Variants in SLC39A11 observed in about 807,000 individuals in gnomAD.
SLC39A11 encodes the protein solute carrier family 39 member 11.
A neutral mutation model predicts 36.1 loss-of-function variants in SLC39A11; 33 were observed. The observed-to-expected ratio is 0.91, with a 90% CI of 0.69 to 1.22. SLC39A11 has a LOEUF of 1.22. SLC39A11 is among the 50% of genes most tolerant of loss of function. The probability of loss-of-function intolerance (pLI) is 0.00; values close to 1 mark genes in which losing one functional copy is unlikely to be tolerated. For synonymous variants in SLC39A11, 166 were observed against 170.3 expected (o/e 0.97, Z 0.20); for missense variants, 432 against 430.3 (o/e 1.00, Z -0.03).
chr17:73,085,298 G>A (rs2060687894), intron 2 of SLC39A11, among the ~76,000 whole-genome samples: 1 of 151,928 alleles, frequency 6.6e-6, no homozygotes, highest in African/African-American at 2.4e-5. Flanking sequence ...CCTGAGGTCA[G>A]GAGTTCAAGA....
intron 3 of SLC39A11, among the ~76,000 whole-genome samples, chr17:73,051,556 G>A (rs1385929037): frequency 6.6e-6 from 1 of 151,180 alleles, no homozygotes. Context: ...AGGAAGTGAG[G>A]GGGAGCCGTC....
At chr17:72,959,349 A>G (rs1426057058) in intron 4 of SLC39A11, among the ~76,000 whole-genome samples, 23 of 138,272 alleles carry the variant, frequency 1.7e-4, no homozygotes, top group African/African-American at 8.4e-5. Flanking sequence ...ATATATATAT[A>G]TATATATATA....
chr17:72,728,741 T>G (rs2074035225), intron 7 of SLC39A11, among the ~76,000 whole-genome samples: 1 of 152,196 alleles, frequency 6.6e-6, no homozygotes, highest in African/African-American at 2.4e-5. Context: ...TCAGTTAGCT[T>G]GGTGCACGTG....
chr17:72,814,627 G>T lies in SLC39A11; in HGVS notation c.601+35007C>A, dbSNP rs1188186616. 2.0e-5 allele frequency among the ~76,000 whole-genome samples: 3 copies of T among 152,334 alleles called. No homozygotes were observed. In the East Asian group the frequency reaches 5.8e-4, roughly 29 times the overall value. On this transcript the variant is annotated intron_variant, in intron 6 of 9. Coordinates refer to ENST00000255559, the MANE Select transcript of SLC39A11 (RefSeq NM_139177.4). ...GCATTTCCAGAGGCAAAGGGCCAAGGTGACATTTTAGAAGGTGACTAGGTA... is the reference window on the plus strand; with the variant it reads ...GCATTTCCAGAGGCAAAGGGCCAAGTTGACATTTTAGAAGGTGACTAGGTA...
At chr17:72,908,250 T>C (rs2082767952) in intron 5 of SLC39A11, among the ~76,000 whole-genome samples, 1 of 152,200 alleles carries the variant, frequency 6.6e-6, no homozygotes, top group Non-Finnish European at 1.5e-5. Flanking sequence ...TCCACAGGTG[T>C]GAATGGGTTG....
chr17:72,974,537 G>T (rs1598671050), intron 4 of SLC39A11, among the ~76,000 whole-genome samples: 1 of 152,024 alleles, frequency 6.6e-6, no homozygotes, highest in East Asian at 1.9e-4. Context: ...TACAGCTACA[G>T]CTTTACAGTG....
chr17:72,834,949 C>T (rs1467842806), intron 6 of SLC39A11, among the ~76,000 whole-genome samples: 2 of 152,218 alleles, frequency 1.3e-5, no homozygotes, highest in East Asian at 3.9e-4. Flanking sequence ...CGTCTGTCGC[C>T]TGTGCAGGAG....
intron 6 of SLC39A11, among the ~76,000 whole-genome samples, chr17:72,744,918 T>C (rs1317986414): frequency 6.6e-6 from 1 of 152,214 alleles, no homozygotes; most frequent in Non-Finnish European, 1.5e-5. Context: ...CTCAGCTCAC[T>C]GCAACCTCTA....
intron 4 of SLC39A11, among the ~76,000 whole-genome samples, chr17:73,013,809 C>G (rs145876771): frequency 6.6e-6 from 1 of 151,812 alleles, no homozygotes; most frequent in African/African-American, 2.4e-5. Context: ...CACATGGTTT[C>G]AGGACCAATG....
At chr17:72,953,619 T>C (rs2086024757) in intron 4 of SLC39A11, among the ~76,000 whole-genome samples, 1 of 152,200 alleles carries the variant, frequency 6.6e-6, no homozygotes, top group Non-Finnish European at 1.5e-5. Context: ...GGGACAGAGC[T>C]ACCTGCATAT....
At chr17:72,912,837 C>T (rs1226600134) in intron 5 of SLC39A11, among the ~76,000 whole-genome samples, 2 of 152,122 alleles carry the variant, frequency 1.3e-5, no homozygotes, top group Non-Finnish European at 2.9e-5. Context: ...ATCTCCTTGC[C>T]CAGACCCTGA....
intron 6 of SLC39A11, chr17:72,823,791 AC>A (rs2077897607): frequency 6.6e-6 from 1 of 151,444 alleles, no homozygotes; most frequent in Admixed American, 6.6e-5. Flanking sequence ...ACTTCTTGCC[AC>A]ACTGGTGCTA....
At chr17:72,699,051 G>T (rs553433278) in intron 7 of SLC39A11, among the ~76,000 whole-genome samples, 26 of 152,010 alleles carry the variant, frequency 1.7e-4, no homozygotes, top group Admixed American at 3.3e-4. Context: ...GGATGGTCTC[G>T]ATCTCCTGAC....
intron 4 of SLC39A11, among the ~76,000 whole-genome samples, chr17:72,949,915 G>T (rs917168797): frequency 1.3e-5 from 2 of 150,640 alleles, no homozygotes; most frequent in African/African-American, 4.9e-5. Flanking sequence ...TTCCTTTCAT[G>T]AAGGAATCTC....
intron 4 of SLC39A11, among the ~76,000 whole-genome samples, chr17:72,979,511 G>C (rs1189075594): frequency 6.6e-6 from 1 of 152,208 alleles, no homozygotes; most frequent in Admixed American, 6.5e-5. Flanking sequence ...GGGACGGATA[G>C]AGACATTCCC....
chr17:72,664,765 G>A (rs1295366030), intron 7 of SLC39A11, among the ~76,000 whole-genome samples: 1 of 152,176 alleles, frequency 6.6e-6, no homozygotes, highest in Non-Finnish European at 1.5e-5. Context: ...ACACATTCAT[G>A]CCCTCCGTTC....
chr17:72,819,883 T>C (rs1220117158), intron 6 of SLC39A11, among the ~76,000 whole-genome samples: 2 of 151,162 alleles, frequency 1.3e-5, no homozygotes, highest in African/African-American at 4.8e-5. Context: ...TCCCTCTCTG[T>C]GTTAAGAAGC....
chr17:73,017,554 A>G (rs2058208346), intron 4 of SLC39A11, among the ~76,000 whole-genome samples: 1 of 152,042 alleles, frequency 6.6e-6, no homozygotes, highest in Non-Finnish European at 1.5e-5. Context: ...TCTCTACTAA[A>G]AATACAAATT....
At chr17:72,952,909 G>A (rs2085968756) in intron 4 of SLC39A11, among the ~76,000 whole-genome samples, 1 of 152,184 alleles carries the variant, frequency 6.6e-6, no homozygotes, top group Admixed American at 6.5e-5. Flanking sequence ...CTTCAGGTAG[G>A]CCTCTGGGGC....
Sources: allele counts gnomAD v4.1 joint callset (sites outside exome capture counted in the v4.1 genomes callset), GRCh38; gene constraint gnomAD v4.1.1; transcripts MANE v1.5; gene names NCBI Gene and HGNC (gene_info 2026-07-23, HGNC 2026-07-21).